SAMD5: variants seen among roughly 807,000 people sequenced by gnomAD.
The protein encoded by SAMD5 is sterile alpha motif domain-containing protein 5.
SAMD5 carries 13 observed loss-of-function variants against 11.3 expected under a neutral mutation model. That is an observed-to-expected ratio of 1.15 (90% CI 0.75 to 1.83). The LOEUF (loss-of-function observed/expected upper bound fraction) is 1.83. Ranked by LOEUF, SAMD5 falls within the 40% of genes most tolerant of loss-of-function variation. SAMD5 has a pLI of 0.00. For missense variants in SAMD5, 255 were observed against 239.1 expected (o/e 1.07, Z -0.44); for synonymous variants, 129 against 111.3 (o/e 1.16, Z -1.00).
chr6:147,737,523 G>A, exon 2 of SAMD5: 1 of 279,920 alleles, frequency 3.6e-6, no homozygotes, highest in South Asian at 3.3e-5. Context: ...CAAATAAAAA[G>A]CAGGTCCTCC....
intron 1 of SAMD5, among the ~76,000 whole-genome samples, chr6:147,689,165 G>A (rs889654238): frequency 6.6e-6 from 1 of 152,128 alleles, no homozygotes; most frequent in Non-Finnish European, 1.5e-5. Context: ...GGAAAGAGGG[G>A]CAAGACAAAA....
chr6:147,666,390 A>G (rs376596015), intron 1 of SAMD5, among the ~76,000 whole-genome samples: 16 of 152,362 alleles, frequency 1.1e-4, no homozygotes, highest in African/African-American at 3.8e-4. Flanking sequence ...AGACATTCCC[A>G]AAACGACTTC....
the SAMD5 span, among the ~76,000 whole-genome samples, chr6:147,825,825 G>A: frequency 6.6e-6 from 1 of 152,214 alleles, no homozygotes; most frequent in Non-Finnish European, 1.5e-5. Flanking sequence ...TGAAAGTAGT[G>A]TTACAACTCC....
chr6:147,595,725 C>T (rs1293533450), intron 1 of SAMD5, among the ~76,000 whole-genome samples: 1 of 151,874 alleles, frequency 6.6e-6, no homozygotes, highest in Admixed American at 6.6e-5. Flanking sequence ...CAGTGTTTCA[C>T]CATGTTGGCC....
intron 1 of SAMD5, among the ~76,000 whole-genome samples, chr6:147,520,765 T>C (rs1402978004): frequency 2.0e-5 from 3 of 152,180 alleles, no homozygotes; most frequent in Admixed American, 1.3e-4. Flanking sequence ...AAAGTGTATA[T>C]ATTTTTGGTG....
At chr6:147,841,603 A>C in the SAMD5 span, among the ~76,000 whole-genome samples, 1 of 152,228 alleles carries the variant, frequency 6.6e-6, no homozygotes, top group Non-Finnish European at 1.5e-5. Context: ...CCTGCCGTCT[A>C]ACCTATTTTT....
rs75453009 is a variant in SAMD5 at position 147,509,803 on chromosome 6, T to C, written c.459+416T>C. 5.2e-3 allele frequency among the ~76,000 whole-genome samples: 790 copies of C among 152,342 alleles called. 7 individuals are homozygous for C. The highest frequency in any genetic ancestry group is 0.018 in the African/African-American group (728 of 41,566). On this transcript the variant is annotated intron_variant, in intron 1 of 1. Coordinates refer to ENST00000367474, the MANE Select transcript of SAMD5 (RefSeq NM_001030060.3). ...CTTCCTTTTTCTCTTTCTTTTCCTTTTTTGAGTCTTGAGAAACTCCTAAGG... is the reference window on the plus strand; with the variant it reads ...CTTCCTTTTTCTCTTTCTTTTCCTTCTTTGAGTCTTGAGAAACTCCTAAGG...
the SAMD5 span, among the ~76,000 whole-genome samples, chr6:147,914,904 T>A: frequency 6.6e-6 from 1 of 152,068 alleles, no homozygotes; most frequent in Admixed American, 6.6e-5. Context: ...CTGGACTTTT[T>A]AAAATAAAAA....
intron 1 of SAMD5, among the ~76,000 whole-genome samples, chr6:147,637,499 G>C (rs1239704883): frequency 1.3e-5 from 2 of 152,158 alleles, no homozygotes; most frequent in Non-Finnish European, 2.9e-5. Context: ...TTATTTGATG[G>C]GAGGGATGAA....
At chr6:147,866,303 A>G in the SAMD5 span, among the ~76,000 whole-genome samples, 1 of 152,232 alleles carries the variant, frequency 6.6e-6, no homozygotes, top group South Asian at 2.1e-4. Context: ...AGGAGTTTGA[A>G]GCTTCATTAC....
At chr6:147,622,749 T>C (rs1398480954) in intron 1 of SAMD5, among the ~76,000 whole-genome samples, 2 of 152,184 alleles carry the variant, frequency 1.3e-5, no homozygotes, top group African/African-American at 4.8e-5. Flanking sequence ...ATTAGTCCAT[T>C]TTCATGCTTC....
intron 1 of SAMD5, among the ~76,000 whole-genome samples, chr6:147,643,112 C>G (rs1431978759): frequency 6.6e-6 from 1 of 152,124 alleles, no homozygotes; most frequent in Non-Finnish European, 1.5e-5. Context: ...CACTTTGACC[C>G]CTCTCTTTGA....
intron 1 of SAMD5, among the ~76,000 whole-genome samples, chr6:147,673,675 T>A (rs1055455529): frequency 2.6e-5 from 4 of 152,200 alleles, no homozygotes; most frequent in Admixed American, 1.3e-4. Flanking sequence ...TTCATTTTTT[T>A]AATCAGATGT....
chr6:147,695,459 G>A (rs1417514178), intron 1 of SAMD5, among the ~76,000 whole-genome samples: 1 of 152,148 alleles, frequency 6.6e-6, no homozygotes, highest in Non-Finnish European at 1.5e-5. Context: ...GCTAGAGAAT[G>A]CAGGCCTAGC....
chr6:147,877,831 T>C, the SAMD5 span, among the ~76,000 whole-genome samples: 4 of 137,830 alleles, frequency 2.9e-5, no homozygotes, highest in Middle Eastern at 3.4e-3. Context: ...TCTTTCCCTC[T>C]CTCCTTTTAT....
At chr6:147,908,987 T>C in the SAMD5 span, among the ~76,000 whole-genome samples, 1 of 152,070 alleles carries the variant, frequency 6.6e-6, no homozygotes, top group Non-Finnish European at 1.5e-5. Flanking sequence ...GGTGGGAGGA[T>C]CACTTGAGCC....
intron 1 of SAMD5, among the ~76,000 whole-genome samples, chr6:147,610,720 T>A (rs1789770666): frequency 6.6e-6 from 1 of 152,076 alleles, no homozygotes. Flanking sequence ...CTGGTGAGTG[T>A]CTGGCCCTCA....
At chr6:147,925,670 T>TGACTGAGA in the SAMD5 span, among the ~76,000 whole-genome samples, 1 of 147,830 alleles carries the variant, frequency 6.8e-6, no homozygotes, top group Non-Finnish European at 1.5e-5. Context: ...CACAGGATTC[T>TGACTGAGA]GACTGAGAAT....
chr6:147,766,147 A>T, the SAMD5 span, among the ~76,000 whole-genome samples: 1 of 151,820 alleles, frequency 6.6e-6, no homozygotes, highest in Non-Finnish European at 1.5e-5. Flanking sequence ...TAAATAATGG[A>T]TGAAACCTTC....
Sources: gnomAD v4.1 joint callset for allele counts (sites outside exome capture counted in the v4.1 genomes callset) on GRCh38, gnomAD v4.1.1 for gene constraint, MANE v1.5 for transcripts, NCBI Gene and HGNC (gene_info 2026-07-23, HGNC 2026-07-21) for gene names.